Variants in ITGA1 observed in about 807,000 individuals in gnomAD.
The protein encoded by ITGA1 is integrin alpha-1.
ITGA1 carries 85 observed loss-of-function variants against 145.9 expected under a neutral mutation model. The observed-to-expected ratio is 0.58, with a 90% CI of 0.49 to 0.70. The LOEUF (loss-of-function observed/expected upper bound fraction) is 0.70. Ranked by LOEUF, ITGA1 falls within the 30% of genes least tolerant of loss-of-function variation. The pLI is 0.00. For missense variants in ITGA1, 1,351 were observed against 1,418.7 expected (o/e 0.95, Z 0.77); for synonymous variants, 520 against 495.3 (o/e 1.05, Z -0.66).
At chr5:52,850,002 A>ATTTTT (rs373306832) in intron 2 of ITGA1, among the ~76,000 whole-genome samples, 2 of 140,462 alleles carry the variant, frequency 1.4e-5, no homozygotes, top group South Asian at 2.3e-4. Flanking sequence ...TGTAGATAGG[A>ATTTTT]TTTTTTTTTT....
intron 1 of ITGA1, among the ~76,000 whole-genome samples, chr5:52,846,115 T>C (rs1045423603): frequency 6.6e-6 from 1 of 152,098 alleles, no homozygotes; most frequent in South Asian, 2.1e-4. Context: ...GGAAGCACAA[T>C]GGCGGCCGGG....
chr5:52,822,069 C>A (rs1461571700), intron 1 of ITGA1, among the ~76,000 whole-genome samples: 1 of 152,164 alleles, frequency 6.6e-6, no homozygotes, highest in Admixed American at 6.5e-5. Context: ...ACAAAATTGG[C>A]AATGGGACTA....
chr5:52,911,468 G>C (rs1443195800), intron 14 of ITGA1, among the ~76,000 whole-genome samples: 12 of 127,098 alleles, frequency 9.4e-5, no homozygotes, highest in Non-Finnish European at 6.4e-5. Context: ...AGTGTATCTA[G>C]TATATAGATA....
chr5:52,882,082 G>T, intron 7 of ITGA1, 61 bp downstream of exon 7: 1 of 1,381,870 alleles, frequency 7.2e-7, no homozygotes. Flanking sequence ...TCATGATTTA[G>T]CCTTTTGGCA....
At chr5:52,888,433 ACT>A (rs1750089964) in intron 8 of ITGA1, among the ~76,000 whole-genome samples, 1 of 151,734 alleles carries the variant, frequency 6.6e-6, no homozygotes, top group South Asian at 2.1e-4. Context: ...GCAATTTTCG[ACT>A]CTCTTTTTCA....
At chr5:52,951,907 C>A (rs10471826) in intron 28 of ITGA1, among the ~76,000 whole-genome samples, 83,197 of 151,968 alleles carry the variant, frequency 0.55, 23,100 homozygotes, top group Middle Eastern at 0.61. Context: ...AAAATGAAAC[C>A]GCGGCCCGGC....
intron 6 of ITGA1, among the ~76,000 whole-genome samples, chr5:52,868,318 T>A (rs1281151397): frequency 1.3e-5 from 2 of 152,214 alleles, no homozygotes; most frequent in Non-Finnish European, 2.9e-5. Context: ...TCCACAACTT[T>A]AGAAAGAAAA....
chr5:52,827,089 C>CTTT (rs201041439), intron 1 of ITGA1, among the ~76,000 whole-genome samples: 1 of 134,842 alleles, frequency 7.4e-6, no homozygotes. Context: ...CCATTAAGAA[C>CTTT]TTTTTTTTTT....
At chr5:52,897,346 G>A (rs1750242150) in intron 9 of ITGA1, 109 bp from the exon 10 acceptor site, 4 of 732,488 alleles carry the variant, frequency 5.5e-6, no homozygotes, top group East Asian at 5.5e-5. Flanking sequence ...GATGTTTGAA[G>A]TTCTGGTTGG....
intron 8 of ITGA1, among the ~76,000 whole-genome samples, chr5:52,893,024 G>A (rs1750174402): frequency 6.6e-6 from 1 of 151,692 alleles, no homozygotes; most frequent in Admixed American, 6.6e-5. Context: ...AAAACTAAAT[G>A]TTTGAGAAAA....
At chr5:52,921,430 C>T (rs1226447180) in intron 17 of ITGA1, among the ~76,000 whole-genome samples, 1 of 152,058 alleles carries the variant, frequency 6.6e-6, no homozygotes, top group Non-Finnish European at 1.5e-5. Flanking sequence ...TGTTGATATG[C>T]TTCATGATAC....
intron 11 of ITGA1, among the ~76,000 whole-genome samples, chr5:52,898,771 T>A (rs190863742): frequency 2.0e-5 from 3 of 152,172 alleles, no homozygotes; most frequent in Non-Finnish European, 2.9e-5. Context: ...ACTCATATTG[T>A]CTTAAATGTC....
intron 7 of ITGA1, 66 bp from the exon 8 acceptor site, chr5:52,887,749 G>T: frequency 6.8e-7 from 1 of 1,481,052 alleles, no homozygotes; most frequent in Non-Finnish European, 9.1e-7. Context: ...TTTTTGTTTA[G>T]TTTTTTACTT....
At chr5:52,934,277 TACC>T (rs1459413079) in intron 23 of ITGA1, among the ~76,000 whole-genome samples, 1 of 151,426 alleles carries the variant, frequency 6.6e-6, no homozygotes, top group Non-Finnish European at 1.5e-5. Context: ...CAAAATAAGA[TACC>T]ACTAGAATGA....
At chr5:52,950,757 G>T (rs1418095565) in intron 28 of ITGA1, among the ~76,000 whole-genome samples, 1 of 152,184 alleles carries the variant, frequency 6.6e-6, no homozygotes, top group African/African-American at 2.4e-5. Context: ...AAGCCAAGGA[G>T]CATTGTAAAG....
chr5:52,953,563 T>G lies in ITGA1; in HGVS notation c.*1112T>G, dbSNP rs556621031. On this transcript the variant is annotated 3_prime_UTR_variant, in exon 29 of 29. Coordinates refer to ENST00000282588, the MANE Select transcript of ITGA1 (RefSeq NM_181501.2). ...ACATTTTACCAAGAAGTCACTGCTT[T>G]TTAGGTGTGTTGCATCAATATTTAA... The G allele has an allele frequency of 6.6e-6, 1 of 152,366 alleles. No individual in the cohort carries two copies. Among genetic ancestry groups the G allele is most frequent in the Non-Finnish European group, 1.5e-5 (1 of 68,026 alleles). The allele number at this position is 152,366 out of a possible 1,614,324, so 9.4% of individuals were successfully genotyped here. A position where few individuals can be genotyped will look rare whatever the true frequency, so the allele number is the denominator to read the frequency against.
chr5:52,847,814 G>T (rs187618256), intron 1 of ITGA1, among the ~76,000 whole-genome samples: 1 of 152,176 alleles, frequency 6.6e-6, no homozygotes, highest in Non-Finnish European at 1.5e-5. Context: ...CTCTCAAAGT[G>T]CTGGGATTAC....
At chr5:52,804,918 T>G (rs544943452) in intron 1 of ITGA1, among the ~76,000 whole-genome samples, 1 of 152,240 alleles carries the variant, frequency 6.6e-6, no homozygotes, top group South Asian at 2.1e-4. Flanking sequence ...AACTTAGATA[T>G]GGGGTGTAAA....
intron 1 of ITGA1, chr5:52,801,040 C>A: frequency 1.2e-6 from 2 of 1,613,896 alleles, no homozygotes; most frequent in Non-Finnish European, 1.7e-6. Flanking sequence ...TGTGAGGGAG[C>A]AGTTCTGCGA....
Sources: gnomAD v4.1 joint callset for allele counts (sites outside exome capture counted in the v4.1 genomes callset) on GRCh38, gnomAD v4.1.1 for gene constraint, MANE v1.5 for transcripts, NCBI Gene and HGNC (gene_info 2026-07-23, HGNC 2026-07-21) for gene names.